EPB41L2: variants seen among roughly 807,000 people sequenced by gnomAD.
EPB41L2 encodes the protein erythrocyte membrane protein band 4.1 like 2.
EPB41L2 carries 43 observed loss-of-function variants against 113.0 expected under a neutral mutation model. The ratio of observed to expected loss-of-function variants is 0.38; its 90% CI spans 0.30 to 0.49. The LOEUF (loss-of-function observed/expected upper bound fraction) is 0.49. EPB41L2 is among the 20% of genes least tolerant of loss of function. EPB41L2 has a pLI of 0.95. For synonymous variants in EPB41L2, 442 were observed against 436.7 expected (o/e 1.01, Z -0.15); for missense variants, 1,147 against 1,223.4 (o/e 0.94, Z 0.93).
intron 14 of EPB41L2, among the ~76,000 whole-genome samples, chr6:130,873,061 C>T (rs1269146989): frequency 6.6e-6 from 1 of 152,282 alleles, no homozygotes; most frequent in East Asian, 1.9e-4. Flanking sequence ...ACCACTCCAA[C>T]TCCTACAATC....
intron 1 of EPB41L2, among the ~76,000 whole-genome samples, chr6:131,024,054 CAT>C (rs1236710543): frequency 3.3e-5 from 5 of 151,962 alleles, no homozygotes; most frequent in African/African-American, 1.2e-4. Flanking sequence ...CATGGAAACA[CAT>C]AATTTTACAG....
At chr6:130,921,677 T>C (rs1802927535) in intron 4 of EPB41L2, among the ~76,000 whole-genome samples, 1 of 152,222 alleles carries the variant, frequency 6.6e-6, no homozygotes, top group African/African-American at 2.4e-5. Context: ...ACTGCTCATA[T>C]GATTTCCAAA....
intron 5 of EPB41L2, among the ~76,000 whole-genome samples, chr6:130,908,004 C>A (rs557016494): frequency 2.2e-4 from 34 of 152,290 alleles, no homozygotes; most frequent in East Asian, 7.7e-4. Flanking sequence ...AAAATTCCAA[C>A]TGCCTGTAGC....
chr6:130,995,274 G>A (rs1346408865), intron 1 of EPB41L2, among the ~76,000 whole-genome samples: 1 of 152,194 alleles, frequency 6.6e-6, no homozygotes, highest in Non-Finnish European at 1.5e-5. Context: ...GGCGGAGCTT[G>A]CAGTGAGCCG....
At chr6:130,858,084 T>C in intron 19 of EPB41L2, 47 bp downstream of exon 19, 1 of 1,379,640 alleles carries the variant, frequency 7.2e-7, no homozygotes, top group East Asian at 2.3e-5. Context: ...AGTTCAGGAG[T>C]ACAGAGCAGT....
intron 3 of EPB41L2, among the ~76,000 whole-genome samples, chr6:130,939,143 T>C (rs913844492): frequency 1.3e-5 from 2 of 152,130 alleles, no homozygotes; most frequent in Non-Finnish European, 2.9e-5. Flanking sequence ...ATATCACCAA[T>C]GCTTGGTCCA....
chr6:130,917,935 G>T (rs561124119), intron 4 of EPB41L2, among the ~76,000 whole-genome samples: 1 of 152,162 alleles, frequency 6.6e-6, no homozygotes, highest in African/African-American at 2.4e-5. Flanking sequence ...AATTCACAGT[G>T]TATGACTAAA....
intron 1 of EPB41L2, among the ~76,000 whole-genome samples, chr6:130,993,090 A>G (rs1429438274): frequency 6.6e-6 from 1 of 152,208 alleles, no homozygotes; most frequent in African/African-American, 2.4e-5. Context: ...AGTTTTCTCA[A>G]TCTTTGTGTT....
chr6:130,863,526 C>T (rs1307568109), intron 18 of EPB41L2, 112 bp downstream of exon 18: 1 of 695,814 alleles, frequency 1.4e-6, no homozygotes, highest in Non-Finnish European at 2.5e-6. Context: ...AGGTGGACTT[C>T]ATCCAGGAGG....
chr6:130,900,493 C>T (rs180840228), intron 7 of EPB41L2, among the ~76,000 whole-genome samples: 74 of 152,298 alleles, frequency 4.9e-4, no homozygotes, highest in Middle Eastern at 6.8e-3. Flanking sequence ...CATCTTCCAA[C>T]GGAATCACCT....
intron 4 of EPB41L2, among the ~76,000 whole-genome samples, chr6:130,917,671 C>T (rs1490349526): frequency 6.6e-6 from 1 of 152,216 alleles, no homozygotes; most frequent in African/African-American, 2.4e-5. Context: ...CAAAACCCCA[C>T]TGCAAAGGTC....
intron 1 of EPB41L2, among the ~76,000 whole-genome samples, chr6:130,964,393 CTG>C (rs945904812): frequency 2.0e-5 from 3 of 151,920 alleles, no homozygotes; most frequent in Admixed American, 6.6e-5. Context: ...GAGATGAAGA[CTG>C]TGAAATAAAA....
chr6:130,970,665 T>C (rs1562627448), intron 1 of EPB41L2, among the ~76,000 whole-genome samples: 2 of 152,194 alleles, frequency 1.3e-5, no homozygotes, highest in Non-Finnish European at 2.9e-5. Context: ...GCTTTGAGTC[T>C]CCATCCTGCA....
intron 19 of EPB41L2, among the ~76,000 whole-genome samples, chr6:130,854,001 G>C (rs997788479): frequency 6.6e-6 from 1 of 152,174 alleles, no homozygotes; most frequent in African/African-American, 2.4e-5. Flanking sequence ...CCAGTGGGGG[G>C]TGGAGATGCC....
At position 130,971,187 on chromosome 6, in the gene EPB41L2, G is replaced by A. The variant is rs1319396014; in HGVS notation, c.-14-14688C>T. 4.9e-4 allele frequency among the ~76,000 whole-genome samples: 75 copies of A among 152,138 alleles called. 1 individual carries two copies. The highest frequency in any genetic ancestry group is 2.2e-4 in the Non-Finnish European group (15 of 68,022). On this transcript the variant is annotated intron_variant, in intron 1 of 19. Coordinates refer to ENST00000337057, the MANE Select transcript of EPB41L2 (RefSeq NM_001431.4). ...GTTGGGATTACAGGTGTGAGCCACC[G>A]CGTCCGGCCACCCTGTTACATCCTA...
intron 1 of EPB41L2, among the ~76,000 whole-genome samples, chr6:130,982,056 G>A (rs940009060): frequency 1.3e-4 from 19 of 150,384 alleles, no homozygotes; most frequent in Non-Finnish European, 2.2e-4. Flanking sequence ...TTTATTTTGA[G>A]CTTTATTTCA....
chr6:131,007,974 T>C (rs935259127), intron 1 of EPB41L2, among the ~76,000 whole-genome samples: 3 of 152,214 alleles, frequency 2.0e-5, no homozygotes, highest in South Asian at 4.1e-4. Context: ...GACAATGCAA[T>C]AAAAAAGAAA....
At chr6:130,916,396 T>G (rs1330966979) in intron 4 of EPB41L2, among the ~76,000 whole-genome samples, 1 of 152,118 alleles carries the variant, frequency 6.6e-6, no homozygotes. Context: ...AACATGATTC[T>G]CAATTATGCT....
chr6:131,023,722 T>G (rs1584593816), intron 1 of EPB41L2, among the ~76,000 whole-genome samples: 1 of 131,234 alleles, frequency 7.6e-6, no homozygotes. Context: ...TGCGTGTGTG[T>G]GTGTGTGTAT....
Sources: gnomAD v4.1 joint callset for allele counts (sites outside exome capture counted in the v4.1 genomes callset) on GRCh38, gnomAD v4.1.1 for gene constraint, MANE v1.5 for transcripts, NCBI Gene and HGNC (gene_info 2026-07-23, HGNC 2026-07-21) for gene names.